The following DNASE1 variants were observed in gnomAD, a reference collection of about 807,000 sequenced individuals.
DNASE1 encodes the protein deoxyribonuclease-1.
A neutral mutation model predicts 33.9 loss-of-function variants in DNASE1; 40 were observed. That is an observed-to-expected ratio of 1.18 (90% CI 0.92 to 1.54). The LOEUF (loss-of-function observed/expected upper bound fraction) is 1.54, where lower values mean the gene tolerates loss of function less well. Among genes scored for constraint, DNASE1 ranks in the 40% most tolerant of loss-of-function variants. The pLI, the probability that DNASE1 is intolerant of heterozygous loss-of-function variation, is 0.00. For missense variants in DNASE1, 518 were observed against 372.6 expected, an observed-to-expected ratio of 1.39 and a Z score of -3.21; for synonymous variants, 216 against 160.0, an observed-to-expected ratio of 1.35 and a Z score of -2.64.
chr16:3,637,158 A>G (rs531307675), intron 1 of DNASE1, among the ~76,000 whole-genome samples: 2 of 151,996 alleles, frequency 1.3e-5, no homozygotes, highest in Non-Finnish European at 2.9e-5. Flanking sequence ...GTAACTGAGG[A>G]AAATCAGCCT....
intron 1 of DNASE1, among the ~76,000 whole-genome samples, chr16:3,631,817 C>G (rs1394262025): frequency 6.6e-6 from 1 of 152,198 alleles, no homozygotes; most frequent in Non-Finnish European, 1.5e-5. Context: ...GCCACTGTAC[C>G]CGGCCATGGA....
intron 1 of DNASE1, among the ~76,000 whole-genome samples, chr16:3,649,171 T>C (rs1457061345): frequency 1.3e-5 from 2 of 152,250 alleles, no homozygotes. Flanking sequence ...TCTTTTGTGA[T>C]GTTAGCAGCC....
intron 1 of DNASE1, among the ~76,000 whole-genome samples, chr16:3,629,975 G>A (rs547974230): frequency 1.3e-5 from 2 of 152,140 alleles, no homozygotes; most frequent in African/African-American, 4.8e-5. Flanking sequence ...CACCATGCGC[G>A]GCTAATTTTT....
At chr16:3,642,656 G>A (rs933009891), upstream of DNASE1, among the ~76,000 whole-genome samples, 4 of 152,194 alleles carry the variant, frequency 2.6e-5, no homozygotes, top group African/African-American at 9.7e-5. Flanking sequence ...GATGTGATTC[G>A]TGGTGAGGAA....
downstream of DNASE1, chr16:3,658,831 C>CGCGCAGCTGATTCAGCTTCTT: frequency 6.2e-7 from 1 of 1,613,960 alleles, no homozygotes; most frequent in Non-Finnish European, 8.5e-7. Context: ...GGCTCGCTTG[C>CGCGCAGCTGATTCAGCTTCTT]GCGCAGCTGA....
exon 10 of DNASE1, chr16:3,664,907 G>A (rs530485257): frequency 1.2e-5 from 2 of 161,694 alleles, no homozygotes; most frequent in Admixed American, 6.5e-5. Context: ...GTGGGATTTG[G>A]AGAAGGGCCC....
At chr16:3,658,850 C>G (rs149317337), downstream of DNASE1, 2 of 1,614,092 alleles carry the variant, frequency 1.2e-6, no homozygotes, top group Non-Finnish European at 1.7e-6. Context: ...GATTCAGCTT[C>G]TTGATGAGCG....
At chr16:3,622,294 C>G (rs1255320681) in intron 1 of DNASE1, among the ~76,000 whole-genome samples, 1 of 151,184 alleles carries the variant, frequency 6.6e-6, no homozygotes. Context: ...TATCCACACA[C>G]TCACAGAATA....
In DNASE1 at chr16:3,657,047, C is replaced by T. The variant is rs1026535839; in HGVS notation, c.485C>T (p.Ala162Val). The T allele has an allele frequency of 9.9e-6, 16 of 1,613,938 alleles. No individual in the cohort carries two copies. The highest frequency in any genetic ancestry group is 1.3e-5 in the Non-Finnish European group (15 of 1,180,012). The change falls in exon 6 of 9, where the codon GCA becomes GTA. Residue 162 changes from alanine to valine, a missense_variant. Ala to Val is a moderately conservative substitution (Grantham distance 64, BLOSUM62 0). Transcript: ENST00000246949. ...CCCCTGCATGCGGCCCCGGGGGACG[C>T]AGTAGCCGAGATCGACGCTCTCTAT... ...IVPLHAAPGD[A>V]VAEIDALYDV...
chr16:3,662,264 C>T (rs949193549), downstream of DNASE1: 10 of 1,080,086 alleles, frequency 9.3e-6, no homozygotes, highest in East Asian at 2.6e-5. Flanking sequence ...CCTGGACCAG[C>T]GCTGCTCCCT....
chr16:3,611,783 AG>A (rs1371483679), exon 1 of DNASE1: 5 of 152,002 alleles, frequency 3.3e-5, no homozygotes. Flanking sequence ...CGCTTGCTTC[AG>A]GTGGAGTCTG....
chr16:3,635,733 A>G (rs1031901969), intron 1 of DNASE1, among the ~76,000 whole-genome samples: 6 of 151,196 alleles, frequency 4.0e-5, no homozygotes, highest in African/African-American at 9.7e-5. Flanking sequence ...TTACAACACT[A>G]TAAATATTCC....
chr16:3,662,830 C>A, downstream of DNASE1: 1 of 1,580,496 alleles, frequency 6.3e-7, no homozygotes, highest in East Asian at 2.2e-5. Flanking sequence ...AGCTGGCCAG[C>A]CTGTTAGGGA....
At chr16:3,661,933 A>T, downstream of DNASE1, 1 of 1,532,622 alleles carries the variant, frequency 6.5e-7, no homozygotes, top group South Asian at 1.2e-5. Flanking sequence ...AGAACACCAC[A>T]CACAGGATTC....
chr16:3,664,005 G>A, exon 10 of DNASE1: 1 of 391,468 alleles, frequency 2.6e-6, no homozygotes, highest in Non-Finnish European at 4.6e-6. Context: ...GGAAGTTGCA[G>A]TGAGCCGAGA....
intron 1 of DNASE1, among the ~76,000 whole-genome samples, chr16:3,614,819 G>A (rs2041042518): frequency 6.6e-6 from 1 of 152,132 alleles, no homozygotes; most frequent in African/African-American, 2.4e-5. Context: ...CATGGACATG[G>A]CTGGGTTATG....
chr16:3,659,624 T>C (rs1224436249), downstream of DNASE1: 1 of 152,166 alleles, frequency 6.6e-6, no homozygotes, highest in Non-Finnish European at 1.5e-5. Flanking sequence ...CCGAGGGCTC[T>C]GGGGAACTGT....
chr16:3,648,283 C>T (rs2042231837), intron 1 of DNASE1, among the ~76,000 whole-genome samples: 1 of 151,904 alleles, frequency 6.6e-6, no homozygotes, highest in Non-Finnish European at 1.5e-5. Context: ...ACTGCAGTGG[C>T]CGGATGCGGT....
chr16:3,621,934 A>G (rs868414058), intron 1 of DNASE1, among the ~76,000 whole-genome samples: 31 of 152,212 alleles, frequency 2.0e-4, no homozygotes, highest in African/African-American at 7.0e-4. Context: ...TAAAGAAGCC[A>G]AATTGGCCAG....
Sources: gnomAD v4.1 joint callset for allele counts (sites outside exome capture counted in the v4.1 genomes callset) on GRCh38, gnomAD v4.1.1 for gene constraint, MANE v1.5 for transcripts, NCBI Gene and HGNC (gene_info 2026-07-23, HGNC 2026-07-21) for gene names.